The following UBR4 variants were observed in gnomAD, a reference collection of about 807,000 sequenced individuals.
UBR4 encodes the protein E3 ubiquitin-protein ligase UBR4.
UBR4 carries 124 observed loss-of-function variants against 575.6 expected under a neutral mutation model. The ratio of observed to expected loss-of-function variants is 0.22; its 90% CI spans 0.19 to 0.25. UBR4 has a LOEUF of 0.25. Ranked by LOEUF, UBR4 falls within the 10% of genes least tolerant of loss-of-function variation. The pLI is 1.00. For synonymous variants in UBR4, 2,455 were observed against 2,473.7 expected, an observed-to-expected ratio of 0.99 and a Z score of 0.22; for missense variants, 4,818 against 6,478.8, an observed-to-expected ratio of 0.74 and a Z score of 8.80.
chr1:19,115,935 C>G (rs2080471698), intron 73 of UBR4, among the ~76,000 whole-genome samples: 1 of 152,124 alleles, frequency 6.6e-6, no homozygotes. Context: ...CAAAAGCATG[C>G]CACACTGAAG....
chr1:19,177,568 T>C lies in UBR4; in HGVS notation c.2530A>G (p.Met844Val), dbSNP rs35444108. The C allele has an allele frequency of 7.7e-3, 12,400 of 1,613,672 alleles. 66 individuals carry two copies. Among genetic ancestry groups the C allele is most frequent in the Non-Finnish European group, 9.1e-3 (10,705 of 1,179,966 alleles). ...GGCACGAAGCGCATCTGAGCATCCA[T>C]GTTGACGCTCAACTCCTGGATGATC... ...VQIIQELSVN[M>V]DAQMRFVPLI... Residue 844 changes from methionine (M) to valine (V), a missense_variant, in exon 19 of 106, where the codon ATG (methionine) becomes GTG (valine). By Grantham distance (21) the Met-to-Val change is conservative. This residue lies in a region of UBR4 where 1,172 missense variants were observed against 1,259.7 expected (regional missense o/e 0.93). Coordinates refer to ENST00000375254, the MANE Select transcript of UBR4 (RefSeq NM_020765.3).
intron 55 of UBR4, among the ~76,000 whole-genome samples, chr1:19,143,145 AAAG>A: frequency 1.3e-5 from 2 of 150,946 alleles, no homozygotes; most frequent in Admixed American, 6.6e-5. Flanking sequence ...AAAAGAAAAG[AAAG>A]AAGGAAGGGA....
chr1:19,118,256 GTTTTTTTAAAT>G (rs938369650), intron 71 of UBR4: 4 of 182,916 alleles, frequency 2.2e-5, no homozygotes, highest in Non-Finnish European at 4.5e-5. Context: ...TCTCAATAAA[GTTTTTTTAAAT>G]TTTTTTTAAA....
chr1:19,197,581 T>G, intron 7 of UBR4, 89 bp downstream of exon 7: 2 of 1,531,206 alleles, frequency 1.3e-6, no homozygotes, highest in Non-Finnish European at 1.8e-6. Flanking sequence ...GAACCGAGAC[T>G]GCACCCCTGC....
At chr1:19,118,744 C>T (rs1393079322) in intron 71 of UBR4, 128 bp downstream of exon 71, 8 of 875,526 alleles carry the variant, frequency 9.1e-6, no homozygotes, top group Non-Finnish European at 1.4e-5. Flanking sequence ...GGATTGGAAT[C>T]TCAACTAGGC....
rs200514170 is a variant in UBR4, at chr1:19,153,295, C to T, written c.6832+6G>A. 2 of 1,613,978 alleles carry T rather than the reference C, an allele frequency of 1.2e-6. No homozygotes were observed. The highest frequency in any genetic ancestry group is 1.7e-5 in the Admixed American group (1 of 60,002). ...CCCCCACAAGTCATCTGAGAAGGAG[C>T]CTTACTGATTGTAGCTGTTTTGCGC... On this transcript the variant is annotated splice_donor_region_variant and intron_variant, in intron 46 of 105. Transcript: ENST00000375254. This position sits in a 1 kb window ranked among gnomAD's most constrained non-coding sequence, Gnocchi z 4.1.
intron 37 of UBR4, among the ~76,000 whole-genome samples, 189 bp from the exon 38 acceptor site, chr1:19,161,336 C>G (rs771009528): frequency 2.0e-5 from 3 of 152,220 alleles, no homozygotes; most frequent in Admixed American, 6.5e-5. Flanking sequence ...CTCACAGTAT[C>G]AGGCCTTATT....
At position 19,095,029 on chromosome 1, in the gene UBR4, TAGG is replaced by T; in HGVS notation, c.13627-7_13627-5del. ...TTTCTTGTTCAGCTACAAGGGCCTG[TAGG>T]AGAAGGAGACTCAGTCACTCTCAGA... is the stretch of plus-strand genomic sequence containing the variant. On this transcript the variant is annotated splice_region_variant and splice_polypyrimidine_tract_variant and intron_variant, in intron 93 of 105. Transcript: ENST00000375254. 3.1e-6 allele frequency: 5 copies of T among 1,614,138 alleles called. No individual in the cohort carries two copies. Among genetic ancestry groups the T allele is most frequent in the Non-Finnish European group, 4.2e-6 (5 of 1,180,016 alleles).
intron 77 of UBR4, 100 bp downstream of exon 77, chr1:19,113,599 A>C (rs1157351244): frequency 1.6e-5 from 24 of 1,543,142 alleles, no homozygotes; most frequent in Non-Finnish European, 2.0e-5. Flanking sequence ...GACAACACCA[A>C]GACCTGGACT....
intron 8 of UBR4, among the ~76,000 whole-genome samples, chr1:19,195,266 A>AAATAATAATAATAATAATAATAAT (rs56018841): frequency 9.1e-5 from 13 of 143,336 alleles, no homozygotes; most frequent in African/African-American, 2.3e-4. Context: ...CTCCATCTCA[A>AAATAATAATAATAATAATAATAAT]AATAATAATA....
In UBR4 at chr1:19,093,243, T is replaced by A. The variant is rs1557538949; in HGVS notation, c.14111+70A>T. 6.4e-7 allele frequency: 1 copy of A among 1,560,172 alleles called. No homozygotes were observed. On this transcript the variant is annotated intron_variant, in intron 96 of 105. Transcript: ENST00000375254. The surrounding 1 kb of genome is among the most constrained non-coding windows in gnomAD (Gnocchi z 4.8). ...GCACACGTGAAGCTTTATGCCAAGATGCTGATGGAGAAGGAAAAGGAAAGG... is the reference window on the plus strand; with the variant it reads ...GCACACGTGAAGCTTTATGCCAAGAAGCTGATGGAGAAGGAAAAGGAAAGG...
chr1:19,139,203 C>CA lies in UBR4; in HGVS notation c.8610_8611insT (p.Glu2871Ter). ...CCATCTGTCGCTGCTGTACTGCCCT[C>CA]GTCGTCTGAGGCTGGAGCTGAGAGA... On this transcript the variant is annotated frameshift_variant, in exon 59 of 106. Coordinates refer to ENST00000375254, the MANE Select transcript of UBR4 (RefSeq NM_020765.3). LOFTEE classifies it high-confidence loss of function. The surrounding 1 kb of genome is among the most constrained non-coding windows in gnomAD (Gnocchi z 4.2). 1.2e-6 allele frequency: 2 copies of CA among 1,611,044 alleles called. No individual in the cohort carries two copies. Among genetic ancestry groups the CA allele is most frequent in the Non-Finnish European group, 1.7e-6 (2 of 1,178,010 alleles).
At chr1:19,080,850 G>C (rs2076423721) in intron 103 of UBR4, 1 of 153,248 alleles carries the variant, frequency 6.5e-6, no homozygotes, top group South Asian at 2.1e-4. Flanking sequence ...CTTTCTTGGG[G>C]AGGTGTCCAC....
In UBR4 at chr1:19,166,875, G is replaced by A. The variant is rs115074121; in HGVS notation, c.4109+147C>T. On this transcript the variant is annotated intron_variant, in intron 29 of 105. Coordinates refer to ENST00000375254, the MANE Select transcript of UBR4 (RefSeq NM_020765.3). The stretch of plus-strand genomic sequence containing the variant: ...GACCCCACTGCACTCCACCCTGGGC[G>A]ACAGAGCGAGACCATGTCTCAGAAT... The A allele has an allele frequency of 0.013, 11,140 of 890,804 alleles. 599 individuals are homozygous for A. The African/African-American group carries it at 0.14, about 11-fold the overall frequency. The allele number at this position is 890,804 out of a possible 1,614,324, so 55.2% of individuals were successfully genotyped here.
At chr1:19,165,493 T>C in intron 30 of UBR4, 144 bp from the exon 31 acceptor site, 1 of 1,048,378 alleles carries the variant, frequency 9.5e-7, no homozygotes, top group Non-Finnish European at 1.4e-6. Context: ...ATTAACCCCC[T>C]CACCAACAAC....
At chr1:19,167,366 T>C in intron 28 of UBR4, 135 bp from the exon 29 acceptor site, 1 of 786,402 alleles carries the variant, frequency 1.3e-6, no homozygotes, top group South Asian at 1.7e-5. Context: ...TCCAGTCTTT[T>C]TCCCATGATA....
chr1:19,193,697 A>C, intron 8 of UBR4, 140 bp from the exon 9 acceptor site: 2 of 1,195,112 alleles, frequency 1.7e-6, no homozygotes, highest in Non-Finnish European at 2.3e-6. Flanking sequence ...GCAAGACTAA[A>C]TAGGTTTACC....
chr1:19,135,712 A>C (rs2083128598), intron 60 of UBR4, among the ~76,000 whole-genome samples: 1 of 152,200 alleles, frequency 6.6e-6, no homozygotes, highest in Non-Finnish European at 1.5e-5. Flanking sequence ...CATGAAGAAG[A>C]GAATATGATG....
At chr1:19,118,789 T>C (rs1031563157) in intron 71 of UBR4, 83 bp downstream of exon 71, 425 of 1,406,186 alleles carry the variant, frequency 3.0e-4, no homozygotes, top group Non-Finnish European at 3.9e-4. Flanking sequence ...TGTCAATTCC[T>C]ATGTAAGAGC....
Sources: gnomAD v4.1 joint callset for allele counts (sites outside exome capture counted in the v4.1 genomes callset) on GRCh38, gnomAD v4.1.1 for gene constraint, gnomAD v4.1.1 regional missense constraint, Gnocchi (gnomAD v3.1) non-coding constraint, MANE v1.5 for transcripts, NCBI Gene and HGNC (gene_info 2026-07-23, HGNC 2026-07-21) for gene names.